Variants in GPC5 observed in about 807,000 individuals in gnomAD.
GPC5 encodes the protein glypican-5.
In GPC5, 47 loss-of-function variants were observed where a neutral mutation model predicts 53.9. That is an observed-to-expected ratio of 0.87 (90% CI 0.69 to 1.11). The LOEUF is 1.11. Among genes scored for constraint, GPC5 ranks in the 50% most tolerant of loss-of-function variants. The pLI, the probability that GPC5 is intolerant of heterozygous loss-of-function variation, is 0.00. For missense variants in GPC5, 748 were observed against 713.1 expected, an observed-to-expected ratio of 1.05 and a Z score of -0.56; for synonymous variants, 286 against 263.3, an observed-to-expected ratio of 1.09 and a Z score of -0.84.
At chr13:92,152,288 A>G (rs1380729987) in intron 7 of GPC5, among the ~76,000 whole-genome samples, 2 of 152,182 alleles carry the variant, frequency 1.3e-5, no homozygotes, top group Non-Finnish European at 2.9e-5. Flanking sequence ...TAAAATTAGT[A>G]TATCTTGAAC....
At chr13:92,525,101 C>T (rs1881221284) in intron 7 of GPC5, among the ~76,000 whole-genome samples, 1 of 152,070 alleles carries the variant, frequency 6.6e-6, no homozygotes, top group African/African-American at 2.4e-5. Flanking sequence ...GCCATACCAT[C>T]GCATGGCACA....
intron 7 of GPC5, among the ~76,000 whole-genome samples, chr13:92,527,993 A>G (rs1214221509): frequency 6.6e-6 from 1 of 152,160 alleles, no homozygotes; most frequent in East Asian, 1.9e-4. Flanking sequence ...GATTCATTCA[A>G]TAATAATTTT....
chr13:92,159,664 G>A (rs1191313008), intron 7 of GPC5, among the ~76,000 whole-genome samples: 1 of 131,526 alleles, frequency 7.6e-6, no homozygotes, highest in Admixed American at 8.4e-5. Context: ...GTGCAGTGGC[G>A]CAATCTCAGT....
chr13:91,614,048 TTAAA>T (rs2033631085), intron 2 of GPC5, among the ~76,000 whole-genome samples: 1 of 152,174 alleles, frequency 6.6e-6, no homozygotes, highest in Non-Finnish European at 1.5e-5. Context: ...CAATGAAAGT[TTAAA>T]TAAGAGCTGA....
intron 7 of GPC5, among the ~76,000 whole-genome samples, chr13:92,492,722 G>A (rs1879814498): frequency 6.6e-6 from 1 of 152,046 alleles, no homozygotes; most frequent in African/African-American, 2.4e-5. Context: ...AGGAAAGCCA[G>A]GTGAATAAAA....
chr13:92,631,534 A>G (rs183403125), intron 7 of GPC5, among the ~76,000 whole-genome samples: 1 of 152,270 alleles, frequency 6.6e-6, no homozygotes. Flanking sequence ...CAGAAGAATA[A>G]TATATTGTTC....
chr13:92,786,787 G>A (rs971460918), intron 7 of GPC5, among the ~76,000 whole-genome samples: 18 of 152,178 alleles, frequency 1.2e-4, no homozygotes, highest in East Asian at 3.9e-4. Context: ...TTAAAGCCCC[G>A]GACCAGACTC....
At chr13:92,585,870 T>C (rs949574573) in intron 7 of GPC5, among the ~76,000 whole-genome samples, 13 of 152,186 alleles carry the variant, frequency 8.5e-5, no homozygotes, top group African/African-American at 2.9e-4. Flanking sequence ...GCCATTCACA[T>C]AAGACATGAC....
At chr13:91,832,408 T>C (rs1435072842) in intron 5 of GPC5, among the ~76,000 whole-genome samples, 1 of 151,202 alleles carries the variant, frequency 6.6e-6, no homozygotes, top group Admixed American at 6.6e-5. Flanking sequence ...CTGAATAGAG[T>C]ACACTGATGG....
At chr13:92,282,920 A>C (rs2042927056) in intron 7 of GPC5, among the ~76,000 whole-genome samples, 2 of 152,216 alleles carry the variant, frequency 1.3e-5, no homozygotes, top group African/African-American at 2.4e-5. Flanking sequence ...AATGGGCTAA[A>C]TGCTCCAATT....
At chr13:92,526,465 G>A (rs982992713) in intron 7 of GPC5, among the ~76,000 whole-genome samples, 3 of 152,024 alleles carry the variant, frequency 2.0e-5, no homozygotes, top group Admixed American at 6.6e-5. Flanking sequence ...GTGTGTAATG[G>A]GGTACATGAG....
chr13:91,542,787 G>T (rs1168141685), intron 2 of GPC5, among the ~76,000 whole-genome samples: 1 of 150,374 alleles, frequency 6.7e-6, no homozygotes, highest in Admixed American at 6.6e-5. Context: ...AGGTTCCATC[G>T]ATTCTCCTGC....
chr13:92,006,880 T>C (rs937773533), intron 6 of GPC5, among the ~76,000 whole-genome samples: 1 of 152,178 alleles, frequency 6.6e-6, no homozygotes, highest in African/African-American at 2.4e-5. Flanking sequence ...CACTCATTAG[T>C]TAATTAACTT....
intron 7 of GPC5, among the ~76,000 whole-genome samples, chr13:92,305,939 G>C (rs1323865600): frequency 6.6e-6 from 1 of 152,146 alleles, no homozygotes; most frequent in African/African-American, 2.4e-5. Context: ...GCCCAAGAAA[G>C]GCAAAGTAAA....
chr13:91,460,298 C>CT (rs773703323), intron 2 of GPC5, among the ~76,000 whole-genome samples: 4,084 of 143,066 alleles, frequency 0.029, 76 homozygotes, highest in Middle Eastern at 0.043. Flanking sequence ...TCTTTGTTGT[C>CT]TTTTTTTTTT....
chr13:92,400,398 C>A (rs1594169680), intron 7 of GPC5, among the ~76,000 whole-genome samples: 2 of 152,282 alleles, frequency 1.3e-5, no homozygotes, highest in South Asian at 4.1e-4. Context: ...TAATGATTTA[C>A]CTACTAACCC....
intron 7 of GPC5, among the ~76,000 whole-genome samples, chr13:92,750,707 C>A (rs978813066): frequency 2.0e-5 from 3 of 152,268 alleles, no homozygotes; most frequent in Admixed American, 2.0e-4. Context: ...AACCTGTCAT[C>A]CAAAAGAGGG....
chr13:92,457,005 C>T (rs1180501130), intron 7 of GPC5, among the ~76,000 whole-genome samples: 1 of 151,980 alleles, frequency 6.6e-6, no homozygotes, highest in African/African-American at 2.4e-5. Context: ...CTCTCCTTCT[C>T]TGCCCCATCT....
chr13:92,192,132 G>T (rs937404791), intron 7 of GPC5, among the ~76,000 whole-genome samples: 2 of 152,216 alleles, frequency 1.3e-5, no homozygotes, highest in Non-Finnish European at 2.9e-5. Flanking sequence ...AGGTGGTGAA[G>T]CTATTCTGTA....
Sources: gnomAD v4.1 joint callset for allele counts (sites outside exome capture counted in the v4.1 genomes callset) on GRCh38, gnomAD v4.1.1 for gene constraint, MANE v1.5 for transcripts, NCBI Gene and HGNC (gene_info 2026-07-23, HGNC 2026-07-21) for gene names.